Variants in MYO19 observed in about 807,000 individuals in gnomAD.
MYO19 encodes the protein unconventional myosin-XIX.
MYO19 carries 132 observed loss-of-function variants against 129.2 expected under a neutral mutation model. That is an observed-to-expected ratio of 1.02 (90% confidence interval 0.89 to 1.18). The LOEUF (loss-of-function observed/expected upper bound fraction) is 1.18. Among genes scored for constraint, MYO19 ranks in the 50% most tolerant of loss-of-function variants. The pLI is 0.00. For missense variants in MYO19, 1,210 were observed against 1,216.7 expected (o/e 0.99, Z 0.08); for synonymous variants, 531 against 477.2 (o/e 1.11, Z -1.47).
Position 36,505,547 on chromosome 17 carries a change from T to G in MYO19, c.1798-143A>C, listed in dbSNP as rs1172927135. On this transcript the variant is annotated intron_variant, in intron 18 of 25. Transcript: ENST00000614623. ...CAAGAATCTCCTGTGCAGGGATGAC[T>G]GCTGCAGGCTCTCAACGAGCAGGCT... is the stretch of plus-strand genomic sequence containing the variant. The G allele has an allele frequency of 6.4e-6, 4 of 626,542 alleles. No individual in the cohort carries two copies. In the East Asian group the frequency reaches 1.1e-4, roughly 17 times the overall value. The allele number at this position is 626,542 out of a possible 1,614,324, so 38.8% of individuals were successfully genotyped here. A position where few individuals can be genotyped will look rare whatever the true frequency, so the allele number is the denominator to read the frequency against.
At chr17:36,512,536 C>T in intron 11 of MYO19, 4 of 1,081,256 alleles carry the variant, frequency 3.7e-6, no homozygotes, top group Non-Finnish European at 4.7e-6. Context: ...GCCATGCCCA[C>T]CAGGCAGAAG....
intron 6 of MYO19, among the ~76,000 whole-genome samples, chr17:36,522,190 A>T (rs1206260960): frequency 6.6e-6 from 1 of 152,168 alleles, no homozygotes; most frequent in East Asian, 1.9e-4. Flanking sequence ...TTTGCCCTCC[A>T]GGTACCTTGT....
intron 19 of MYO19, 115 bp from the exon 20 acceptor site, chr17:36,504,135 C>T (rs926648525): frequency 1.3e-6 from 1 of 782,908 alleles, no homozygotes; most frequent in African/African-American, 1.8e-5. Flanking sequence ...GCAGGCTCTC[C>T]CAAGGCTTGG....
Position 36,495,832 on chromosome 17 carries a change from C to A in MYO19, c.*419G>T, listed in dbSNP as rs2142569227. On this transcript the variant is annotated 3_prime_UTR_variant, in exon 26 of 26. Transcript: ENST00000614623. ...CTAATTAAATACTAAAGTTTTGTTCCTTTTTAAAGGAAATAACCACAAGAT... is the reference window on the plus strand; with the variant it reads ...CTAATTAAATACTAAAGTTTTGTTCATTTTTAAAGGAAATAACCACAAGAT... The A allele has an allele frequency of 9.7e-6, 12 of 1,239,840 alleles. No individual in the cohort carries two copies. The highest frequency in any genetic ancestry group is 1.2e-5 in the Non-Finnish European group (12 of 992,858). The allele number at this position is 1,239,840 out of a possible 1,614,324, so 76.8% of individuals were successfully genotyped here. A position where few individuals can be genotyped will look rare whatever the true frequency, so the allele number is the denominator to read the frequency against.
At chr17:36,519,051 C>T (rs899301797) in intron 6 of MYO19, among the ~76,000 whole-genome samples, 3 of 152,120 alleles carry the variant, frequency 2.0e-5, no homozygotes, top group East Asian at 1.9e-4. Flanking sequence ...CAAGCCACCA[C>T]GCTTGGCTAA....
chr17:36,518,346 T>G (rs1237259779), intron 6 of MYO19, among the ~76,000 whole-genome samples: 1 of 150,362 alleles, frequency 6.7e-6, no homozygotes, highest in African/African-American at 2.4e-5. Flanking sequence ...AATACAAAAA[T>G]TAGCCAGGTG....
chr17:36,538,571 T>A (rs1259856602), upstream of MYO19: 1 of 1,613,558 alleles, frequency 6.2e-7, no homozygotes, highest in East Asian at 2.2e-5. Flanking sequence ...ACTGTTTAAT[T>A]GTATATGTAC....
rs780547465 is a variant in MYO19 at position 36,515,151 on chromosome 17, G to A, written c.579C>T (p.Ser193=). The A allele has an allele frequency of 6.2e-7, 1 of 1,612,634 alleles. No homozygotes were observed. Among genetic ancestry groups the A allele is most frequent in the South Asian group, 1.1e-5 (1 of 90,592 alleles). The part of the protein sequence containing the change: ...GNACTLRNNN[S]SRFGKFIQLQ... Reference sequence around the variant, plus strand: ...GCTGGATGAACTTCCCAAAGCGACTGCTGTTGTTATTCCTCAGTGTACACG... The same window carrying A: ...GCTGGATGAACTTCCCAAAGCGACTACTGTTGTTATTCCTCAGTGTACACG... The change falls in exon 8 of 26, where the codon AGC becomes AGT. Residue 193 remains serine (S), a synonymous_variant. Coordinates refer to ENST00000614623, the MANE Select transcript of MYO19 (RefSeq NM_001163735.2).
rs1182699174 is a variant in MYO19, at chr17:36,532,627, T to C, written c.-89A>G. On this transcript the variant is annotated 5_prime_UTR_variant, in exon 3 of 26. Transcript: ENST00000614623. ...AGTCATGGGACCATGGGCTGGGGTA[T>C]GGTTCCAACAAAGGGCTCAGTTCTG... 2.7e-6 allele frequency: 4 copies of C among 1,487,138 alleles called. No homozygotes were observed. Among genetic ancestry groups the C allele is most frequent in the Non-Finnish European group, 2.8e-6 (3 of 1,089,140 alleles). The allele number at this position is 1,487,138 out of a possible 1,614,324, so 92.1% of individuals were successfully genotyped here.
chr17:36,500,678 G>T (rs72818340), intron 23 of MYO19, 152 bp downstream of exon 23: 2 of 1,087,150 alleles, frequency 1.8e-6, no homozygotes, highest in Non-Finnish European at 1.3e-6. Flanking sequence ...GAGTGAGGGG[G>T]ACAGGGAATT....
chr17:36,513,116 T>C, intron 11 of MYO19: 1 of 1,364,202 alleles, frequency 7.3e-7, no homozygotes, highest in Non-Finnish European at 9.4e-7. Flanking sequence ...TTTAATGTAC[T>C]AGACAAGCAA....
chr17:36,537,790 CAG>C (rs761626111), upstream of MYO19: 3 of 1,614,138 alleles, frequency 1.9e-6, no homozygotes, highest in South Asian at 2.2e-5. Context: ...GAACATTTAA[CAG>C]AGTATGGAGT....
At chr17:36,537,395 C>T (rs1358004820), upstream of MYO19, 1 of 1,614,016 alleles carries the variant, frequency 6.2e-7, no homozygotes, top group Non-Finnish European at 8.5e-7. Context: ...ATCAAATATA[C>T]CGAAGGAGGA....
chr17:36,499,881 CAG>C (rs1394966705), intron 23 of MYO19: 3 of 144,354 alleles, frequency 2.1e-5, no homozygotes, highest in Non-Finnish European at 3.0e-5. Context: ...TTTTTTGAGA[CAG>C]AGTCTTGCTC....
intron 24 of MYO19, 143 bp downstream of exon 24, chr17:36,498,932 A>G: frequency 4.6e-6 from 3 of 657,844 alleles, no homozygotes; most frequent in South Asian, 3.5e-5. Flanking sequence ...CACTGCATAC[A>G]TGAGGAATAT....
chr17:36,499,064 G>A lies in MYO19; in HGVS notation c.2463+11C>T, dbSNP rs750801854. ...TCCACTGCCCACCCCGACTTCTTGG[G>A]TCTTACTTACTCTCCACTTCTGCCA... On this transcript the variant is annotated intron_variant, in intron 24 of 25. Transcript: ENST00000614623. 6.3e-7 allele frequency: 1 copy of A among 1,599,172 alleles called. No homozygotes were observed. Among genetic ancestry groups the A allele is most frequent in the Non-Finnish European group, 8.5e-7 (1 of 1,171,174 alleles).
intron 14 of MYO19, 61 bp from the exon 15 acceptor site, chr17:36,507,985 C>A: frequency 6.7e-7 from 1 of 1,503,412 alleles, no homozygotes; most frequent in Non-Finnish European, 8.9e-7. Context: ...AATAGGGGAC[C>A]AAGGAACCCA....
At chr17:36,543,887 A>T (rs935510093), upstream of MYO19, among the ~76,000 whole-genome samples, 2 of 152,132 alleles carry the variant, frequency 1.3e-5, no homozygotes, top group African/African-American at 4.8e-5. Flanking sequence ...TCGGCCTCCC[A>T]AAGTGCTGGG....
At chr17:36,538,002 G>A, upstream of MYO19, 1 of 1,613,946 alleles carries the variant, frequency 6.2e-7, no homozygotes, top group Non-Finnish European at 8.5e-7. Flanking sequence ...TCTATTAAAT[G>A]CCAACCGCGA....
Sources: allele counts gnomAD v4.1 joint callset (sites outside exome capture counted in the v4.1 genomes callset), GRCh38; gene constraint gnomAD v4.1.1; transcripts MANE v1.5; gene names NCBI Gene and HGNC (gene_info 2026-07-23, HGNC 2026-07-21).